The following TMEM45A variants were observed in gnomAD, a reference collection of about 807,000 sequenced individuals.
TMEM45A encodes the protein DNA polymerase-transactivated protein 4.
Under a neutral mutation model 32.0 loss-of-function variants are expected in TMEM45A, and 25 were observed. The ratio of observed to expected loss-of-function variants is 0.78; its 90% CI spans 0.57 to 1.09. TMEM45A has a LOEUF of 1.09. Ranked by LOEUF, TMEM45A falls within the 50% of genes least tolerant of loss-of-function variation. The probability of loss-of-function intolerance (pLI) is 0.00; values close to 1 mark genes in which losing one functional copy is unlikely to be tolerated. For missense variants in TMEM45A, 302 were observed against 325.0 expected (o/e 0.93, Z 0.54); for synonymous variants, 122 against 114.8 (o/e 1.06, Z -0.40).
At chr3:100,549,761 T>C (rs922669741) in intron 1 of TMEM45A, among the ~76,000 whole-genome samples, 4 of 151,982 alleles carry the variant, frequency 2.6e-5, no homozygotes, top group African/African-American at 9.7e-5. Flanking sequence ...ATATTCCCCT[T>C]CCTGTGTCCA....
At chr3:100,561,548 C>T (rs1339113705) in intron 4 of TMEM45A, among the ~76,000 whole-genome samples, 1 of 152,126 alleles carries the variant, frequency 6.6e-6, no homozygotes, top group Non-Finnish European at 1.5e-5. Flanking sequence ...CTTTCCTGAA[C>T]CACATCACAG....
chr3:100,533,779 T>G (rs1220238715), intron 1 of TMEM45A, among the ~76,000 whole-genome samples: 1 of 152,188 alleles, frequency 6.6e-6, no homozygotes, highest in Non-Finnish European at 1.5e-5. Context: ...AGAACTTTAC[T>G]TGTATTATGT....
At chr3:100,562,820 G>C (rs1023409342) in intron 4 of TMEM45A, among the ~76,000 whole-genome samples, 2 of 152,182 alleles carry the variant, frequency 1.3e-5, no homozygotes, top group African/African-American at 2.4e-5. Flanking sequence ...AATGCATGCT[G>C]TCCTGGGGAG....
chr3:100,511,790 A>C (rs1708167202), intron 1 of TMEM45A, among the ~76,000 whole-genome samples: 1 of 152,140 alleles, frequency 6.6e-6, no homozygotes, highest in South Asian at 2.1e-4. Context: ...TCTACCGAGC[A>C]AATGGAAAAC....
At chr3:100,534,620 C>T (rs1162162179) in intron 1 of TMEM45A, among the ~76,000 whole-genome samples, 1 of 152,140 alleles carries the variant, frequency 6.6e-6, no homozygotes, top group African/African-American at 2.4e-5. Context: ...CTGTGAGACC[C>T]ATTTCAGACT....
chr3:100,556,677 A>G (rs1250724024), intron 2 of TMEM45A, 83 bp from the exon 3 acceptor site: 14 of 1,275,232 alleles, frequency 1.1e-5, no homozygotes, highest in East Asian at 7.6e-5. Flanking sequence ...TTAGATTGGA[A>G]TAAGCAATGG....
intron 1 of TMEM45A, among the ~76,000 whole-genome samples, chr3:100,532,793 T>C (rs1337368780): frequency 6.6e-6 from 1 of 152,202 alleles, no homozygotes; most frequent in African/African-American, 2.4e-5. Context: ...GGGCAAGTTT[T>C]TCAGCCTTTC....
rs1210749787 is a variant in TMEM45A, at chr3:100,515,317, C to T, written c.-4+22389C>T. On this transcript the variant is annotated intron_variant, in intron 1 of 5. Coordinates refer to ENST00000323523, the MANE Select transcript of TMEM45A (RefSeq NM_018004.3). Reference sequence around the variant, plus strand: ...GCAGCCATAAAAAATGATGAGTTCACGTGCTTTGTAGGGACATGGATGAAA... The same window carrying T: ...GCAGCCATAAAAAATGATGAGTTCATGTGCTTTGTAGGGACATGGATGAAA... Among the ~76,000 whole-genome samples, 272 of 151,744 alleles carry T rather than the reference C, an allele frequency of 1.8e-3. 1 individual carries two copies. The highest frequency in any genetic ancestry group is 6.1e-3 in the African/African-American group (254 of 41,330).
chr3:100,575,363 C>CTCTTTTTTTTTTTTTTTTTTTTTTT (rs1706660425), intron 5 of TMEM45A, among the ~76,000 whole-genome samples: 2 of 62,708 alleles, frequency 3.2e-5, no homozygotes, highest in African/African-American at 1.1e-4. Context: ...TATGGATTCT[C>CTCTTTTTTTTTTTTTTTTTTTTTTT]TTTTTTTTTT....
chr3:100,521,742 T>C (rs545411978), intron 1 of TMEM45A, among the ~76,000 whole-genome samples: 22 of 152,206 alleles, frequency 1.4e-4, no homozygotes, highest in Non-Finnish European at 2.2e-4. Context: ...CCAGAGCTGC[T>C]GTGGCAGGTG....
intron 3 of TMEM45A, 136 bp downstream of exon 3, chr3:100,557,108 T>C: frequency 9.8e-7 from 1 of 1,025,198 alleles, no homozygotes; most frequent in Non-Finnish European, 1.4e-6. Context: ...AATGAAATAT[T>C]TGGGTGTCCT....
chr3:100,571,555 A>G (rs1706559872), intron 5 of TMEM45A: 1 of 152,148 alleles, frequency 6.6e-6, no homozygotes, highest in South Asian at 2.1e-4. Flanking sequence ...CTCTTAGAAA[A>G]CAAGAATGAA....
intron 5 of TMEM45A, chr3:100,573,276 T>C (rs1189894271): frequency 2.0e-5 from 3 of 151,666 alleles, no homozygotes; most frequent in African/African-American, 7.3e-5. Context: ...TTTTATTTCC[T>C]TGAGCAGTGG....
chr3:100,556,241 G>A (rs769411366), intron 2 of TMEM45A, among the ~76,000 whole-genome samples: 1 of 152,140 alleles, frequency 6.6e-6, no homozygotes, highest in East Asian at 1.9e-4. Flanking sequence ...TCGGCCTCCC[G>A]AAGTGTTGGG....
chr3:100,508,323 C>T (rs370580551), intron 1 of TMEM45A, among the ~76,000 whole-genome samples: 21 of 152,224 alleles, frequency 1.4e-4, no homozygotes, highest in African/African-American at 2.4e-4. Context: ...AGCCCAGGCC[C>T]GACAAGACTG....
intron 4 of TMEM45A, among the ~76,000 whole-genome samples, chr3:100,568,018 C>T (rs1706479002): frequency 6.6e-6 from 1 of 152,140 alleles, no homozygotes; most frequent in Admixed American, 6.5e-5. Flanking sequence ...ATCTCCTGAC[C>T]TCATGATCCA....
chr3:100,566,835 A>C (rs1559653840), intron 4 of TMEM45A, among the ~76,000 whole-genome samples: 1 of 151,932 alleles, frequency 6.6e-6, no homozygotes, highest in Non-Finnish European at 1.5e-5. Flanking sequence ...TGCCCATTAA[A>C]ATTTTTTGTT....
At position 100,555,351 on chromosome 3, in the gene TMEM45A, A is replaced by G; in HGVS notation, c.140A>G (p.Tyr47Cys). The change falls in exon 2 of 6, where the codon TAT becomes TGT. Residue 47 changes from tyrosine to cysteine, a missense_variant. Coordinates refer to ENST00000323523, the MANE Select transcript of TMEM45A (RefSeq NM_018004.3). Reference protein sequence around the residue: ...TCYLGSKTLFYRLEILEGITI... With the variant: ...TCYLGSKTLFCRLEILEGITI... ...TATCTTGGTTCCAAAACATTATTCTATCGATTGGAAATTTTGGAGGGAATT... is the reference window on the plus strand; with the variant it reads ...TATCTTGGTTCCAAAACATTATTCTGTCGATTGGAAATTTTGGAGGGAATT... 6.2e-7 allele frequency: 1 copy of G among 1,613,924 alleles called. No individual in the cohort carries two copies. Among genetic ancestry groups the G allele is most frequent in the Non-Finnish European group, 8.5e-7 (1 of 1,179,914 alleles).
intron 1 of TMEM45A, among the ~76,000 whole-genome samples, chr3:100,531,996 T>G (rs1042311752): frequency 6.6e-6 from 1 of 152,348 alleles, no homozygotes; most frequent in Non-Finnish European, 1.5e-5. Context: ...ACATACTGAC[T>G]CTGAAAGAAT....
Sources: allele counts gnomAD v4.1 joint callset (sites outside exome capture counted in the v4.1 genomes callset), GRCh38; gene constraint gnomAD v4.1.1; transcripts MANE v1.5; gene names NCBI Gene and HGNC (gene_info 2026-07-23, HGNC 2026-07-21).